Variants in GRID1 observed in about 807,000 individuals in gnomAD.
GRID1 encodes glutamate ionotropic receptor delta type subunit 1.
GRID1 carries 28 observed loss-of-function variants against 98.0 expected under a neutral mutation model. The ratio of observed to expected loss-of-function variants is 0.29; its 90% CI spans 0.21 to 0.39. The LOEUF (loss-of-function observed/expected upper bound fraction) is 0.39, where lower values mean the gene tolerates loss of function less well. Ranked by LOEUF, GRID1 falls within the 10% of genes least tolerant of loss-of-function variation. The probability of loss-of-function intolerance (pLI) is 1.00; values close to 1 mark genes in which losing one functional copy is unlikely to be tolerated. For synonymous variants in GRID1, 553 were observed against 538.5 expected (o/e 1.03, Z -0.37); for missense variants, 1,111 against 1,340.5 (o/e 0.83, Z 2.67).
chr10:85,913,517 T>G (rs562149072), intron 5 of GRID1, among the ~76,000 whole-genome samples: 3 of 152,194 alleles, frequency 2.0e-5, no homozygotes, highest in Non-Finnish European at 4.4e-5. Flanking sequence ...TGGCTGGGCA[T>G]GGTGGCTCAC....
At chr10:86,198,772 C>A (rs1845910216) in intron 3 of GRID1, among the ~76,000 whole-genome samples, 1 of 152,120 alleles carries the variant, frequency 6.6e-6, no homozygotes, top group Non-Finnish European at 1.5e-5. Flanking sequence ...GAGCAAACTG[C>A]CAAATCTCTT....
intron 8 of GRID1, among the ~76,000 whole-genome samples, chr10:85,830,152 C>T (rs1276470074): frequency 6.6e-6 from 1 of 152,098 alleles, no homozygotes; most frequent in Non-Finnish European, 1.5e-5. Context: ...AGAAAGAAAG[C>T]CATACACCTG....
At chr10:85,746,712 T>TGAA (rs1428031621) in intron 8 of GRID1, among the ~76,000 whole-genome samples, 1 of 152,132 alleles carries the variant, frequency 6.6e-6, no homozygotes, top group Non-Finnish European at 1.5e-5. Context: ...GGCATGCAAG[T>TGAA]GAAGCCCTCT....
At chr10:85,723,205 G>T (rs1008765248) in intron 11 of GRID1, 64 bp from the exon 12 acceptor site, 2 of 1,508,728 alleles carry the variant, frequency 1.3e-6, no homozygotes, top group African/African-American at 1.4e-5. Context: ...CCCCAGGGAG[G>T]TGTTCTGCCC....
chr10:86,291,848 T>C (rs1847517751), intron 2 of GRID1, among the ~76,000 whole-genome samples: 1 of 152,114 alleles, frequency 6.6e-6, no homozygotes, highest in African/African-American at 2.4e-5. Context: ...CGGGGGCAGG[T>C]GGCAGCAATT....
At chr10:86,328,933 G>T (rs1056811395) in intron 2 of GRID1, among the ~76,000 whole-genome samples, 4 of 152,098 alleles carry the variant, frequency 2.6e-5, no homozygotes, top group Non-Finnish European at 5.9e-5. Context: ...CTTGACAAGA[G>T]AGTAAGTCCA....
At chr10:86,156,055 G>C (rs1845241445) in intron 3 of GRID1, among the ~76,000 whole-genome samples, 1 of 152,210 alleles carries the variant, frequency 6.6e-6, no homozygotes, top group Non-Finnish European at 1.5e-5. Flanking sequence ...GTCAGATATA[G>C]AGACAGCTGC....
chr10:85,696,304 TA>T lies in GRID1; in HGVS notation c.1997+26698del, dbSNP rs529823117. On this transcript the variant is annotated intron_variant, in intron 12 of 15. Coordinates refer to ENST00000327946, the MANE Select transcript of GRID1 (RefSeq NM_017551.3). ...AATAAAAGTATAGGGTCTATGACAT[TA>T]AAAAAAATAGAGAAAGGTGATTTAA... Among the ~76,000 whole-genome samples, 75 of 151,642 alleles carry T rather than the reference TA, an allele frequency of 4.9e-4. No individual in the cohort carries two copies. The East Asian group carries it at 6.2e-3, about 13-fold the overall frequency.
chr10:86,149,841 T>C (rs1845138347), intron 3 of GRID1, among the ~76,000 whole-genome samples: 1 of 152,238 alleles, frequency 6.6e-6, no homozygotes, highest in Admixed American at 6.5e-5. Context: ...TGCTACTGTC[T>C]TTCATGTTTC....
intron 8 of GRID1, among the ~76,000 whole-genome samples, chr10:85,826,911 T>C (rs2131757472): frequency 6.6e-6 from 1 of 152,190 alleles, no homozygotes; most frequent in East Asian, 1.9e-4. Context: ...GCTAGTTGAC[T>C]GAACCCACAT....
intron 2 of GRID1, among the ~76,000 whole-genome samples, chr10:86,337,227 C>G (rs908880777): frequency 2.0e-5 from 3 of 152,154 alleles, no homozygotes; most frequent in Admixed American, 6.5e-5. Context: ...CGCAGCCCAT[C>G]CCCTGTTAGG....
intron 2 of GRID1, among the ~76,000 whole-genome samples, chr10:86,288,230 A>G (rs1847463053): frequency 6.6e-6 from 1 of 152,202 alleles, no homozygotes; most frequent in Admixed American, 6.5e-5. Context: ...GCGAACACCA[A>G]GAGTCCCTCA....
chr10:86,353,124 A>G (rs1309164402), intron 2 of GRID1, among the ~76,000 whole-genome samples: 1 of 152,196 alleles, frequency 6.6e-6, no homozygotes, highest in East Asian at 1.9e-4. Context: ...TGAGGATACC[A>G]CAGGGAACAA....
intron 2 of GRID1, among the ~76,000 whole-genome samples, chr10:86,267,201 C>A (rs1428051159): frequency 2.0e-5 from 3 of 152,230 alleles, no homozygotes; most frequent in Non-Finnish European, 1.5e-5. Flanking sequence ...ATATTATCAT[C>A]CCAACTTCAA....
At chr10:86,081,176 G>T (rs1228064256) in intron 4 of GRID1, among the ~76,000 whole-genome samples, 1 of 152,134 alleles carries the variant, frequency 6.6e-6, no homozygotes, top group Non-Finnish European at 1.5e-5. Context: ...TGTCGCCCAG[G>T]CTGGCCCAGG....
chr10:86,363,777 G>A (rs898398964), intron 2 of GRID1, among the ~76,000 whole-genome samples, 164 bp downstream of exon 2: 2 of 152,248 alleles, frequency 1.3e-5, no homozygotes, highest in African/African-American at 4.8e-5. Context: ...CGGCGCCGCT[G>A]CCTAGGTGGG....
intron 8 of GRID1, among the ~76,000 whole-genome samples, chr10:85,817,256 T>C (rs778154228): frequency 6.6e-6 from 1 of 152,148 alleles, no homozygotes; most frequent in South Asian, 2.1e-4. Flanking sequence ...AATTCTGTTT[T>C]AAGTTCTATG....
chr10:86,351,873 A>G (rs2217223), intron 2 of GRID1, among the ~76,000 whole-genome samples: 107,333 of 152,186 alleles, frequency 0.71, 38,369 homozygotes, highest in African/African-American at 0.81. Flanking sequence ...CTCTGTAATC[A>G]TTACTTCATT....
intron 4 of GRID1, among the ~76,000 whole-genome samples, chr10:85,951,558 T>C (rs1353289916): frequency 4.6e-5 from 7 of 152,188 alleles, no homozygotes; most frequent in Non-Finnish European, 1.0e-4. Flanking sequence ...TCCCATGCAG[T>C]CTTCCCAGAT....
Sources: allele counts gnomAD v4.1 joint callset (sites outside exome capture counted in the v4.1 genomes callset), GRCh38; gene constraint gnomAD v4.1.1; transcripts MANE v1.5; gene names NCBI Gene and HGNC (gene_info 2026-07-23, HGNC 2026-07-21).